MGMT: variants seen among roughly 807,000 people sequenced by gnomAD.
MGMT encodes O-6-methylguanine-DNA methyltransferase, also known as methylated-DNA--protein-cysteine methyltransferase.
In MGMT, 14 loss-of-function variants were observed where a neutral mutation model predicts 15.9. That is an observed-to-expected ratio of 0.88 (90% confidence interval 0.58 to 1.37). The LOEUF is 1.37. Ranked by LOEUF, MGMT falls within the 40% of genes most tolerant of loss-of-function variation. The pLI is 0.00. For synonymous variants in MGMT, 130 were observed against 118.2 expected, an observed-to-expected ratio of 1.10 and a Z score of -0.65; for missense variants, 282 against 268.1, an observed-to-expected ratio of 1.05 and a Z score of -0.36.
In MGMT at chr10:129,754,674, G is replaced by A. The variant is rs139782116; in HGVS notation, c.275-4528G>A. 3.4e-4 allele frequency among the ~76,000 whole-genome samples: 52 copies of A among 152,376 alleles called. 2 individuals carry two copies. The highest frequency in any genetic ancestry group is 6.8e-3 in the Middle Eastern group (2 of 292). On this transcript the variant is annotated intron_variant, in intron 3 of 4. Coordinates refer to ENST00000651593, the MANE Select transcript of MGMT (RefSeq NM_002412.5). The stretch of plus-strand genomic sequence containing the variant: ...TGGAGGCTGAGAAGTCCAAGAGCAT[G>A]ACGCCGGCATCTGCTGAGGGCCACC...
intron 3 of MGMT, among the ~76,000 whole-genome samples, chr10:129,734,737 C>T (rs910491353): frequency 3.7e-4 from 56 of 152,198 alleles, no homozygotes; most frequent in African/African-American, 1.2e-3. Flanking sequence ...TACGTCCCAT[C>T]AATACCTAAT....
At chr10:129,738,417 G>A (rs576222316) in intron 3 of MGMT, among the ~76,000 whole-genome samples, 11 of 152,318 alleles carry the variant, frequency 7.2e-5, no homozygotes, top group East Asian at 3.9e-4. Flanking sequence ...TTTGGCTCGC[G>A]CACGGTGCAC....
chr10:129,687,730 G>C (rs1482612885), intron 2 of MGMT, among the ~76,000 whole-genome samples: 1 of 151,348 alleles, frequency 6.6e-6, no homozygotes, highest in Non-Finnish European at 1.5e-5. Context: ...TAAGTTCTAG[G>C]GTACATGTGC....
At chr10:129,544,058 A>G (rs1458113569) in intron 2 of MGMT, among the ~76,000 whole-genome samples, 1 of 152,044 alleles carries the variant, frequency 6.6e-6, no homozygotes, top group Non-Finnish European at 1.5e-5. Flanking sequence ...GCTCTTAACA[A>G]TAAGTTTCCA....
At chr10:129,718,213 G>A (rs957813343) in intron 3 of MGMT, among the ~76,000 whole-genome samples, 1 of 152,228 alleles carries the variant, frequency 6.6e-6, no homozygotes, top group Non-Finnish European at 1.5e-5. Flanking sequence ...CATCTCTTCT[G>A]CTTCATCTGC....
chr10:129,618,768 T>TCAATATAATGCTATA (rs762920916), intron 2 of MGMT, among the ~76,000 whole-genome samples: 7 of 150,666 alleles, frequency 4.6e-5, no homozygotes, highest in East Asian at 4.0e-4. Flanking sequence ...AATGCTATAT[T>TCAATATAATGCTATA]TTTAGTTTCA....
At chr10:129,489,083 AG>A in intron 1 of MGMT, among the ~76,000 whole-genome samples, 1 of 152,160 alleles carries the variant, frequency 6.6e-6, no homozygotes, top group Non-Finnish European at 1.5e-5. Flanking sequence ...TGAGTCAGCC[AG>A]GCACAGTGGC....
chr10:129,762,246 A>C (rs1306614629), intron 4 of MGMT, among the ~76,000 whole-genome samples: 1 of 152,204 alleles, frequency 6.6e-6, no homozygotes, highest in Non-Finnish European at 1.5e-5. Context: ...GTGATTGTGC[A>C]TTTAAGGGAG....
At chr10:129,755,179 G>A (rs1049227855) in intron 3 of MGMT, among the ~76,000 whole-genome samples, 1 of 152,244 alleles carries the variant, frequency 6.6e-6, no homozygotes, top group Non-Finnish European at 1.5e-5. Flanking sequence ...AGTATAGAGT[G>A]CTTGCTTCAT....
At chr10:129,574,119 T>TG (rs1329807548) in intron 2 of MGMT, among the ~76,000 whole-genome samples, 3 of 152,266 alleles carry the variant, frequency 2.0e-5, no homozygotes, top group Non-Finnish European at 4.4e-5. Context: ...CTGTTATTTA[T>TG]GCGCAGTTAC....
intron 3 of MGMT, among the ~76,000 whole-genome samples, chr10:129,709,809 G>C (rs1045081879): frequency 4.5e-4 from 68 of 152,154 alleles, no homozygotes; most frequent in African/African-American, 1.5e-3. Context: ...GGTCTCACCA[G>C]GGTCCAGAGA....
intron 3 of MGMT, among the ~76,000 whole-genome samples, chr10:129,714,135 T>C (rs1228148592): frequency 3.9e-5 from 6 of 152,210 alleles, no homozygotes; most frequent in African/African-American, 1.4e-4. Context: ...CGCCCCGAGC[T>C]CTCCTGGTTT....
Position 129,746,137 on chromosome 10 carries a change from G to A in MGMT, c.275-13065G>A, listed in dbSNP as rs551937208. ...GCCTGTAGTCCCAGCTACTCAGGAGGCTGAAGCAGGAGAATGGCGTGAACC... is the reference window on the plus strand; with the variant it reads ...GCCTGTAGTCCCAGCTACTCAGGAGACTGAAGCAGGAGAATGGCGTGAACC... On this transcript the variant is annotated intron_variant, in intron 3 of 4. Transcript: ENST00000651593. 5.9e-5 allele frequency among the ~76,000 whole-genome samples: 9 copies of A among 151,782 alleles called. No individual in the cohort carries two copies. The South Asian group carries it at 1.9e-3, about 32-fold the overall frequency.
chr10:129,490,102 C>CA (rs1554903027), intron 1 of MGMT, among the ~76,000 whole-genome samples: 4 of 151,856 alleles, frequency 2.6e-5, no homozygotes, highest in Admixed American at 6.6e-5. Flanking sequence ...ATTTTGTTTT[C>CA]TTTTTTTTCT....
Position 129,740,930 on chromosome 10 carries a change from C to G in MGMT, c.275-18272C>G, listed in dbSNP as rs1377950187. Among the ~76,000 whole-genome samples, 6 of 152,194 alleles carry G rather than the reference C, an allele frequency of 3.9e-5. No homozygotes were observed. In the South Asian group the frequency reaches 1.0e-3, roughly 26 times the overall value. ...AGCCCAGCTACCAAAATTTCCAGACCTACGTTACCATCTTCAAATGAGTGC... is the reference window on the plus strand; with the variant it reads ...AGCCCAGCTACCAAAATTTCCAGACGTACGTTACCATCTTCAAATGAGTGC... On this transcript the variant is annotated intron_variant, in intron 3 of 4. Coordinates refer to ENST00000651593, the MANE Select transcript of MGMT (RefSeq NM_002412.5).
At chr10:129,584,746 C>G (rs1274343349) in intron 2 of MGMT, among the ~76,000 whole-genome samples, 2 of 152,146 alleles carry the variant, frequency 1.3e-5, no homozygotes, top group African/African-American at 4.8e-5. Context: ...ACCATGTGGC[C>G]TTTTGTGCCT....
intron 4 of MGMT, among the ~76,000 whole-genome samples, chr10:129,762,376 C>G (rs1564787958): frequency 6.6e-6 from 1 of 152,188 alleles, no homozygotes; most frequent in Non-Finnish European, 1.5e-5. Flanking sequence ...CATTTGCTGT[C>G]GGCATGAGTT....
chr10:129,479,076 G>C (rs762140869), intron 1 of MGMT, among the ~76,000 whole-genome samples: 1 of 152,200 alleles, frequency 6.6e-6, no homozygotes, highest in East Asian at 1.9e-4. Flanking sequence ...TGTGACAGCA[G>C]TTGTATCAGT....
Position 129,556,605 on chromosome 10 carries a change from G to A in MGMT, c.125+20228G>A, listed in dbSNP as rs1386598770. ...TCAGCTTTACCGTCTTGCTGCAGCGGGAACGTCCTGCTGTAGAAGAGGCGC... is the reference window on the plus strand; with the variant it reads ...TCAGCTTTACCGTCTTGCTGCAGCGAGAACGTCCTGCTGTAGAAGAGGCGC... On this transcript the variant is annotated intron_variant, in intron 2 of 4. Transcript: ENST00000651593. The surrounding 1 kb of genome is among the most constrained non-coding windows in gnomAD (Gnocchi z 4.3). Among the ~76,000 whole-genome samples, 1 of 152,160 alleles carries A rather than the reference G, an allele frequency of 6.6e-6. No individual in the cohort carries two copies. The highest frequency in any genetic ancestry group is 1.5e-5 in the Non-Finnish European group (1 of 68,022).
Sources: allele counts gnomAD v4.1 joint callset (sites outside exome capture counted in the v4.1 genomes callset), GRCh38; gene constraint gnomAD v4.1.1; non-coding constraint Gnocchi (gnomAD v3.1); transcripts MANE v1.5; gene names NCBI Gene and HGNC (gene_info 2026-07-23, HGNC 2026-07-21).